ANO10: variants seen among roughly 807,000 people sequenced by gnomAD.
ANO10 encodes anoctamin-10.
ANO10 carries 77 observed loss-of-function variants against 74.7 expected under a neutral mutation model. The observed-to-expected ratio is 1.03, with a 90% CI of 0.86 to 1.25. The LOEUF (loss-of-function observed/expected upper bound fraction) is 1.25, where lower values mean the gene tolerates loss of function less well. Among genes scored for constraint, ANO10 ranks in the 50% most tolerant of loss-of-function variants. The pLI is 0.00. For synonymous variants in ANO10, 279 were observed against 284.9 expected (o/e 0.98, Z 0.21); for missense variants, 721 against 778.1 (o/e 0.93, Z 0.87).
chr3:43,622,606 C>G (rs528069639), upstream of ANO10, among the ~76,000 whole-genome samples: 3 of 152,308 alleles, frequency 2.0e-5, no homozygotes, highest in Admixed American at 6.5e-5. Flanking sequence ...TCCCAAAACC[C>G]TTGCTCCTCC....
intron 8 of ANO10, among the ~76,000 whole-genome samples, chr3:43,563,249 AT>A (rs1353535703): frequency 4.6e-5 from 7 of 152,188 alleles, no homozygotes; most frequent in Non-Finnish European, 7.3e-5. Context: ...GGACATGCAA[AT>A]CAAAGCCACA....
At chr3:43,370,282 T>C (rs947677611) in intron 12 of ANO10, among the ~76,000 whole-genome samples, 2 of 152,208 alleles carry the variant, frequency 1.3e-5, no homozygotes, top group African/African-American at 4.8e-5. Context: ...TGAGACCTGG[T>C]TAAATGCAGG....
At chr3:43,556,600 G>GA (rs1015577794) in intron 9 of ANO10, among the ~76,000 whole-genome samples, 3 of 151,478 alleles carry the variant, frequency 2.0e-5, no homozygotes, top group African/African-American at 4.9e-5. Context: ...CAGCAAGAAG[G>GA]AAAAAAAATG....
chr3:43,580,281 A>T, intron 5 of ANO10, 72 bp downstream of exon 5: 1 of 1,598,958 alleles, frequency 6.3e-7, no homozygotes, highest in Non-Finnish European at 8.5e-7. Context: ...AAGGGAGCTG[A>T]CTCCACTGCT....
At chr3:43,662,916 A>G (rs2083943536) in intron 1 of ANO10, among the ~76,000 whole-genome samples, 2 of 152,192 alleles carry the variant, frequency 1.3e-5, no homozygotes, top group African/African-American at 4.8e-5. Flanking sequence ...TACCAACCAA[A>G]AAAAGTTCAA....
intron 12 of ANO10, among the ~76,000 whole-genome samples, chr3:43,367,268 T>G (rs887344388): frequency 3.9e-5 from 6 of 152,204 alleles, no homozygotes; most frequent in Non-Finnish European, 8.8e-5. Context: ...ATGAGGGGAA[T>G]AGGCGGACAG....
chr3:43,554,196 T>C (rs2079622718), intron 10 of ANO10, among the ~76,000 whole-genome samples: 1 of 149,766 alleles, frequency 6.7e-6, no homozygotes, highest in African/African-American at 2.5e-5. Context: ...CTTTTTTTTT[T>C]TTTTTTTCTT....
intron 12 of ANO10, chr3:43,372,977 G>A (rs2125677528): frequency 2.2e-6 from 2 of 902,250 alleles, no homozygotes; most frequent in Non-Finnish European, 3.3e-6. Flanking sequence ...ACATATTCAA[G>A]TTCTTGAAGT....
chr3:43,483,373 T>C (rs2076344352), intron 11 of ANO10, among the ~76,000 whole-genome samples: 1 of 152,198 alleles, frequency 6.6e-6, no homozygotes, highest in Admixed American at 6.5e-5. Context: ...TCCATTTGCA[T>C]TGTAAAATGG....
intron 1 of ANO10, among the ~76,000 whole-genome samples, chr3:43,619,128 G>A (rs564714674): frequency 1.3e-5 from 2 of 152,214 alleles, no homozygotes; most frequent in African/African-American, 2.4e-5. Context: ...TAATCAAACA[G>A]TAGTCTATTC....
rs192110857 is a variant in ANO10, at chr3:43,594,976, T to C, written c.472+3556A>G. Among the ~76,000 whole-genome samples, 3 of 152,296 alleles carry C rather than the reference T, an allele frequency of 2.0e-5. No homozygotes were observed. The East Asian group carries it at 5.8e-4, about 29-fold the overall frequency. ...AATACAAATTACCATCAGAGAATAC[T>C]ATGAACAACTCTACGCAAATAAACT... On this transcript the variant is annotated intron_variant, in intron 4 of 12. Coordinates refer to ENST00000292246, the MANE Select transcript of ANO10 (RefSeq NM_018075.5).
At chr3:43,681,838 A>T (rs1269275578) in intron 1 of ANO10, among the ~76,000 whole-genome samples, 3 of 152,262 alleles carry the variant, frequency 2.0e-5, no homozygotes, top group Non-Finnish European at 4.4e-5. Flanking sequence ...TACTGGGTAC[A>T]TAACGAAATG....
intron 11 of ANO10, among the ~76,000 whole-genome samples, chr3:43,537,942 C>T (rs553223041): frequency 6.6e-5 from 10 of 152,190 alleles, no homozygotes; most frequent in African/African-American, 2.4e-4. Context: ...AAACTAAAGA[C>T]CCTCTGAAGC....
At chr3:43,539,414 A>C (rs1204482424) in intron 11 of ANO10, among the ~76,000 whole-genome samples, 1 of 152,198 alleles carries the variant, frequency 6.6e-6, no homozygotes, top group African/African-American at 2.4e-5. Context: ...TCAGAGAAAG[A>C]GGGTCAGTTT....
intron 1 of ANO10, among the ~76,000 whole-genome samples, chr3:43,674,306 A>G (rs1360822042): frequency 6.6e-6 from 1 of 152,140 alleles, no homozygotes; most frequent in African/African-American, 2.4e-5. Flanking sequence ...TACACAGCTA[A>G]TTGTTTACTT....
intron 1 of ANO10, among the ~76,000 whole-genome samples, chr3:43,641,177 T>C (rs1472468698): frequency 6.6e-6 from 1 of 152,218 alleles, no homozygotes; most frequent in African/African-American, 2.4e-5. Context: ...CATTGTCATA[T>C]GTTTAAAGAA....
At chr3:43,372,591 TCTC>T (rs2091653050) in intron 12 of ANO10, 1 of 482,274 alleles carries the variant, frequency 2.1e-6, no homozygotes, top group African/African-American at 1.9e-5. Context: ...CCTCAGCCTG[TCTC>T]CTCCTCATCC....
intron 7 of ANO10, among the ~76,000 whole-genome samples, chr3:43,574,057 C>T (rs1377506391): frequency 6.6e-6 from 1 of 151,496 alleles, no homozygotes; most frequent in Non-Finnish European, 1.5e-5. Flanking sequence ...TGGGTTCAAG[C>T]GATTCTCCTG....
chr3:43,673,755 G>T (rs1008043052), intron 1 of ANO10, among the ~76,000 whole-genome samples: 1 of 152,094 alleles, frequency 6.6e-6, no homozygotes, highest in Non-Finnish European at 1.5e-5. Flanking sequence ...CAGAGGAAAA[G>T]AACACTATTA....
Sources: allele counts gnomAD v4.1 joint callset (sites outside exome capture counted in the v4.1 genomes callset), GRCh38; gene constraint gnomAD v4.1.1; transcripts MANE v1.5; gene names NCBI Gene and HGNC (gene_info 2026-07-23, HGNC 2026-07-21).